CCDC7: variants seen among roughly 807,000 people sequenced by gnomAD.
CCDC7 encodes coiled-coil domain-containing protein 7.
Under a neutral mutation model 196.9 loss-of-function variants are expected in CCDC7, and 183 were observed. That is an observed-to-expected ratio of 0.93 (90% CI 0.82 to 1.05). CCDC7 has a LOEUF of 1.05. Among genes scored for constraint, CCDC7 ranks in the 50% least tolerant of loss-of-function variants. The pLI, the probability that CCDC7 is intolerant of heterozygous loss-of-function variation, is 0.00. For synonymous variants in CCDC7, 525 were observed against 484.6 expected (o/e 1.08, Z -1.10); for missense variants, 1,540 against 1,482.2 (o/e 1.04, Z -0.64).
chr10:32,646,822 G>T (rs2067848431), intron 20 of CCDC7, among the ~76,000 whole-genome samples: 1 of 152,154 alleles, frequency 6.6e-6, no homozygotes, highest in South Asian at 2.1e-4. Flanking sequence ...TTATAAATGA[G>T]AACATGCAGT....
intron 25 of CCDC7, among the ~76,000 whole-genome samples, chr10:32,717,903 A>C (rs1199234375): frequency 6.6e-6 from 1 of 151,826 alleles, no homozygotes; most frequent in Non-Finnish European, 1.5e-5. Context: ...ACCAAAAAAA[A>C]AAAAAAAAGC....
chr10:32,578,777 G>A (rs1015976901), intron 16 of CCDC7, among the ~76,000 whole-genome samples: 1 of 152,094 alleles, frequency 6.6e-6, no homozygotes, highest in Admixed American at 6.6e-5. Context: ...TTGTGGTCCA[G>A]GGGTTGGGGA....
chr10:32,607,388 G>A (rs565157516), intron 18 of CCDC7, among the ~76,000 whole-genome samples: 1 of 152,232 alleles, frequency 6.6e-6, no homozygotes, highest in South Asian at 2.1e-4. Context: ...TGTGAAAGTG[G>A]GCATCGTTGT....
intron 35 of CCDC7, 63 bp from the exon 37 acceptor site, chr10:32,845,813 A>G: frequency 1.5e-6 from 2 of 1,309,784 alleles, no homozygotes; most frequent in Non-Finnish European, 2.2e-6. Flanking sequence ...ACACACAGAT[A>G]CACACAGAGG....
chr10:32,550,508 C>A (rs2947073), intron 13 of CCDC7, among the ~76,000 whole-genome samples: 140,433 of 152,146 alleles, frequency 0.92, 65,812 homozygotes, highest in East Asian at 1. Context: ...AATGCTTTCA[C>A]CTTTTCTCCA....
intron 18 of CCDC7, among the ~76,000 whole-genome samples, chr10:32,611,512 T>A (rs1435340825): frequency 6.6e-6 from 1 of 152,232 alleles, no homozygotes. Context: ...ATGTCCTGAA[T>A]GGTATTGCCT....
intron 41 of CCDC7, among the ~76,000 whole-genome samples, chr10:32,873,253 C>G (rs2094493082): frequency 6.6e-6 from 1 of 151,844 alleles, no homozygotes; most frequent in Admixed American, 6.6e-5. Flanking sequence ...ATTCTTTTTT[C>G]TCTAAACTCT....
intron 20 of CCDC7, among the ~76,000 whole-genome samples, chr10:32,656,495 T>C (rs1328569326): frequency 1.3e-5 from 2 of 152,170 alleles, no homozygotes; most frequent in East Asian, 3.8e-4. Context: ...AACACATCCT[T>C]CTTCACAAGG....
intron 30 of CCDC7, 123 bp from the exon 32 acceptor site, chr10:32,814,247 C>T (rs1393513918): frequency 1.7e-5 from 12 of 694,016 alleles, no homozygotes; most frequent in African/African-American, 1.4e-4. Flanking sequence ...CGTGAGCCAC[C>T]GTGCCCAGCC....
intron 11 of CCDC7, among the ~76,000 whole-genome samples, chr10:32,540,299 T>G (rs1428024597): frequency 6.6e-6 from 1 of 152,214 alleles, no homozygotes; most frequent in Non-Finnish European, 1.5e-5. Flanking sequence ...TTTTTGATCT[T>G]TATTTGCTTA....
At chr10:32,488,680 T>G (rs1268792040) in intron 8 of CCDC7, among the ~76,000 whole-genome samples, 4 of 152,226 alleles carry the variant, frequency 2.6e-5, no homozygotes, top group African/African-American at 7.2e-5. Context: ...TTTCTATCAC[T>G]CTGTTAAACT....
intron 29 of CCDC7, among the ~76,000 whole-genome samples, chr10:32,789,088 G>C (rs377373192): frequency 4.1e-4 from 60 of 144,778 alleles, no homozygotes; most frequent in African/African-American, 1.4e-3. Flanking sequence ...GAGCTGAACG[G>C]TAAAGGGCTT....
At chr10:32,666,763 T>C (rs1210384506) in intron 21 of CCDC7, among the ~76,000 whole-genome samples, 1 of 152,170 alleles carries the variant, frequency 6.6e-6, no homozygotes, top group Non-Finnish European at 1.5e-5. Flanking sequence ...ATTTTCTTAA[T>C]TCAGTCTATC....
At chr10:32,727,405 G>A (rs1202225368) in intron 26 of CCDC7, among the ~76,000 whole-genome samples, 1 of 152,066 alleles carries the variant, frequency 6.6e-6, no homozygotes, top group Non-Finnish European at 1.5e-5. Context: ...AGTGCCCATG[G>A]CCAACAATGA....
chr10:32,487,257 CT>C (rs1325124241), intron 8 of CCDC7, among the ~76,000 whole-genome samples: 3 of 152,168 alleles, frequency 2.0e-5, no homozygotes, highest in African/African-American at 7.2e-5. Flanking sequence ...CACTGATACC[CT>C]TTCTTCCAGT....
intron 41 of CCDC7, among the ~76,000 whole-genome samples, chr10:32,865,100 C>G (rs2094154460): frequency 6.6e-6 from 1 of 151,714 alleles, no homozygotes; most frequent in African/African-American, 2.4e-5. Flanking sequence ...GATAATTAGA[C>G]TTGATCAAAA....
At chr10:32,465,461 T>A (rs1486434967) in intron 5 of CCDC7, among the ~76,000 whole-genome samples, 1 of 146,922 alleles carries the variant, frequency 6.8e-6, no homozygotes. Context: ...TTTTTTTGCC[T>A]CAGCTATAGT....
At chr10:32,628,402 G>T (rs564019641) in intron 18 of CCDC7, among the ~76,000 whole-genome samples, 5 of 151,342 alleles carry the variant, frequency 3.3e-5, no homozygotes, top group African/African-American at 1.2e-4. Context: ...GAGTCTTTTT[G>T]AAATTTAGTC....
chr10:32,745,402 G>A (rs1437394330), intron 28 of CCDC7, among the ~76,000 whole-genome samples: 1 of 152,188 alleles, frequency 6.6e-6, no homozygotes, highest in Non-Finnish European at 1.5e-5. Flanking sequence ...CATCTGCTTA[G>A]GGTCTAAGGA....
Sources: allele counts gnomAD v4.1 joint callset (sites outside exome capture counted in the v4.1 genomes callset), GRCh38; gene constraint gnomAD v4.1.1; transcripts MANE v1.5; gene names NCBI Gene and HGNC (gene_info 2026-07-23, HGNC 2026-07-21).